DUSP22: variants seen among roughly 807,000 people sequenced by gnomAD.
The protein encoded by DUSP22 is dual specificity phosphatase 22, also known as dual specificity protein phosphatase 22.
DUSP22 carries 24 observed loss-of-function variants against 24.5 expected under a neutral mutation model. That is an observed-to-expected ratio of 0.98 (90% CI 0.71 to 1.38). DUSP22 has a LOEUF of 1.38. Among genes scored for constraint, DUSP22 ranks in the 40% most tolerant of loss-of-function variants. DUSP22 has a pLI of 0.00. For missense variants in DUSP22, 330 were observed against 269.2 expected, an observed-to-expected ratio of 1.23 and a Z score of -1.58; for synonymous variants, 160 against 106.4, an observed-to-expected ratio of 1.50 and a Z score of -3.10.
intron 1 of DUSP22, among the ~76,000 whole-genome samples, chr6:302,517 G>A (rs1422670575): frequency 2.2e-4 from 34 of 152,408 alleles, no homozygotes; most frequent in African/African-American, 5.8e-4. Flanking sequence ...AGCCCTCTGC[G>A]ACCCCAGAGT....
chr6:334,979 G>C (rs1305282036), intron 3 of DUSP22, 135 bp from the exon 4 acceptor site: 1 of 1,045,478 alleles, frequency 9.6e-7, no homozygotes, highest in Non-Finnish European at 1.4e-6. Flanking sequence ...CAGTTCCTTG[G>C]CAACAAAAGA....
At chr6:345,952 G>A (rs1286457209) in intron 5 of DUSP22, 24 bp downstream of exon 5, 2 of 1,613,528 alleles carry the variant, frequency 1.2e-6, no homozygotes, top group Non-Finnish European at 1.7e-6. Context: ...TTGCTTAATA[G>A]CGCCTTAGCG....
At chr6:348,670 T>C in intron 6 of DUSP22, 99 bp from the exon 7 acceptor site, 1 of 1,553,400 alleles carries the variant, frequency 6.4e-7, no homozygotes. Context: ...CCTGGTTATG[T>C]GTGGCACCAT....
In DUSP22 at chr6:350,681, A is replaced by T. The variant is rs1050601750; in HGVS notation, c.*1730A>T. ...AGTACATGTTTTTCCTAAGCCAAAA[A>T]TAAATACGTTAACAGAAAAATGATT... On this transcript the variant is annotated 3_prime_UTR_variant, in exon 7 of 7. Coordinates refer to ENST00000419235, the MANE Select transcript of DUSP22 (RefSeq NM_001286555.3). 16 of 1,554,970 alleles carry T rather than the reference A, an allele frequency of 1.0e-5. No homozygotes were observed. Among genetic ancestry groups the T allele is most frequent in the African/African-American group, 5.7e-5 (4 of 69,758 alleles).
intron 1 of DUSP22, among the ~76,000 whole-genome samples, chr6:295,081 A>G (rs550684205): frequency 8.9e-6 from 1 of 111,936 alleles, no homozygotes; most frequent in African/African-American, 3.1e-5. Flanking sequence ...CTTCATCTGT[A>G]AAAAAAGAAG....
chr6:306,596 C>T (rs1757823016), intron 2 of DUSP22, among the ~76,000 whole-genome samples: 1 of 152,290 alleles, frequency 6.6e-6, no homozygotes, highest in Non-Finnish European at 1.5e-5. Flanking sequence ...CACTCGTTAG[C>T]CAAATATTTA....
At chr6:298,822 C>T (rs949255936) in intron 1 of DUSP22, among the ~76,000 whole-genome samples, 18 of 152,300 alleles carry the variant, frequency 1.2e-4, no homozygotes, top group Non-Finnish European at 1.5e-4. Context: ...AGACTCTGGG[C>T]AGGTTTTAGG....
intron 3 of DUSP22, among the ~76,000 whole-genome samples, chr6:316,119 T>G (rs1360264272): frequency 6.6e-6 from 1 of 152,304 alleles, no homozygotes; most frequent in African/African-American, 2.4e-5. Flanking sequence ...CTGAGAACTC[T>G]GAGTCCAGCA....
At chr6:344,268 C>T (rs1434257210) in intron 4 of DUSP22, among the ~76,000 whole-genome samples, 2 of 151,266 alleles carry the variant, frequency 1.3e-5, no homozygotes, top group Admixed American at 6.6e-5. Context: ...CACGCGTCAT[C>T]ATTTAGAACT....
chr6:348,130 A>G lies in DUSP22; in HGVS notation c.291A>G (p.Thr97=), dbSNP rs149588546. The part of the protein sequence containing the change: ...HCLAGVSRSV[T]LVIAYIMTVT... ...TGGCCGGGGTCTCCAGGAGCGTGAC[A>G]CTGGTGATCGCATACATCATGACCG... Residue 97 remains threonine, a synonymous_variant, in exon 6 of 7, where the codon ACA becomes ACG. Transcript: ENST00000419235. 579 of 1,613,942 alleles carry G rather than the reference A, an allele frequency of 3.6e-4. No individual in the cohort carries two copies. The African/African-American group carries it at 6.5e-3, about 18-fold the overall frequency.
intron 3 of DUSP22, among the ~76,000 whole-genome samples, chr6:320,784 A>G (rs1336669563): frequency 6.6e-6 from 1 of 152,290 alleles, no homozygotes; most frequent in Non-Finnish European, 1.5e-5. Flanking sequence ...GATGAGCCCC[A>G]CCTGATGATA....
At chr6:321,929 G>T (rs1240025116) in intron 3 of DUSP22, among the ~76,000 whole-genome samples, 3 of 152,308 alleles carry the variant, frequency 2.0e-5, no homozygotes, top group Non-Finnish European at 4.4e-5. Flanking sequence ...GTGGAAGAAA[G>T]GGACCAAGCT....
At chr6:347,417 T>A (rs1759934776) in intron 5 of DUSP22, among the ~76,000 whole-genome samples, 1 of 152,310 alleles carries the variant, frequency 6.6e-6, no homozygotes, top group African/African-American at 2.4e-5. Context: ...TAGAACTCTC[T>A]AAGTCTGATG....
At chr6:331,762 G>A (rs1172423111) in intron 3 of DUSP22, among the ~76,000 whole-genome samples, 1 of 152,304 alleles carries the variant, frequency 6.6e-6, no homozygotes, top group Non-Finnish European at 1.5e-5. Context: ...GCTTGGGAGA[G>A]ACTTTTCATG....
At chr6:346,459 G>C (rs374753813) in intron 5 of DUSP22, among the ~76,000 whole-genome samples, 204 of 119,634 alleles carry the variant, frequency 1.7e-3, no homozygotes, top group African/African-American at 5.9e-3. Flanking sequence ...CACACACACA[G>C]TGAAAAGAAA....
chr6:336,509 G>T (rs1192304202), intron 4 of DUSP22, among the ~76,000 whole-genome samples: 4 of 152,302 alleles, frequency 2.6e-5, no homozygotes, highest in Non-Finnish European at 5.9e-5. Context: ...GCAGAGCAGA[G>T]AAATCACAGG....
In DUSP22 at chr6:349,617, G is replaced by T. The variant is rs746741009; in HGVS notation, c.*666G>T. ...CCTCTAGAGGGAGGGTGGCTCTGGG[G>T]CCCTGGAAAACGTGAGAGACTGCCC... On this transcript the variant is annotated 3_prime_UTR_variant, in exon 7 of 7. Transcript: ENST00000419235. The T allele has an allele frequency of 1.0e-6, 1 of 987,254 alleles. No homozygotes were observed. The highest frequency in any genetic ancestry group is 1.2e-6 in the Non-Finnish European group (1 of 831,366). The allele number at this position is 987,254 out of a possible 1,614,324, so 61.2% of individuals were successfully genotyped here. A position where few individuals can be genotyped will look rare whatever the true frequency, so the allele number is the denominator to read the frequency against.
chr6:346,000 CGT>C, intron 5 of DUSP22, 72 bp downstream of exon 5: 1 of 1,576,968 alleles, frequency 6.3e-7, no homozygotes, highest in Non-Finnish European at 8.7e-7. Context: ...AGTGTTTTTC[CGT>C]GTGTGAATAA....
At chr6:329,920 T>C (rs1214057156) in intron 3 of DUSP22, among the ~76,000 whole-genome samples, 1 of 148,644 alleles carries the variant, frequency 6.7e-6, no homozygotes, top group Non-Finnish European at 1.5e-5. Flanking sequence ...TTTTAATTCT[T>C]TTTTTTTTTT....
Sources: gnomAD v4.1 joint callset for allele counts (sites outside exome capture counted in the v4.1 genomes callset) on GRCh38, gnomAD v4.1.1 for gene constraint, MANE v1.5 for transcripts, NCBI Gene and HGNC (gene_info 2026-07-23, HGNC 2026-07-21) for gene names.